MCTP1: variants seen among roughly 807,000 people sequenced by gnomAD.
MCTP1 encodes the protein multiple C2 and transmembrane domain containing 1.
In MCTP1, 69 loss-of-function variants were observed where a neutral mutation model predicts 120.6. That is an observed-to-expected ratio of 0.57 (90% CI 0.47 to 0.70). MCTP1 has a LOEUF of 0.70. Ranked by LOEUF, MCTP1 falls within the 30% of genes least tolerant of loss-of-function variation. The pLI is 0.00. For missense variants in MCTP1, 1,203 were observed against 1,248.8 expected (o/e 0.96, Z 0.55); for synonymous variants, 529 against 493.1 (o/e 1.07, Z -0.96).
rs1299950271 is a variant in MCTP1 at position 94,884,710 on chromosome 5, T to C, written c.1933+4169A>G. ...ACAGACAGCAAAACAAAATGTTTTCTAGGCAGCCTGTCAAATGGGGCTTAA... is the reference window on the plus strand; with the variant it reads ...ACAGACAGCAAAACAAAATGTTTTCCAGGCAGCCTGTCAAATGGGGCTTAA... On this transcript the variant is annotated intron_variant, in intron 12 of 22. Transcript: ENST00000515393. Among the ~76,000 whole-genome samples the C allele has an allele frequency of 2.6e-5, 4 of 152,156 alleles. No individual in the cohort carries two copies. The East Asian group carries it at 7.7e-4, about 29-fold the overall frequency.
chr5:95,138,621 A>T lies in MCTP1; in HGVS notation c.721-121137T>A, dbSNP rs1759643724. On this transcript the variant is annotated intron_variant, in intron 1 of 22. Coordinates refer to ENST00000515393, the MANE Select transcript of MCTP1 (RefSeq NM_024717.7). ...TGAAGAGTCCAGGAATAGGTCTGCTAACCAAAGGAATGACCCCCTCACAGA... is the reference window on the plus strand; with the variant it reads ...TGAAGAGTCCAGGAATAGGTCTGCTTACCAAAGGAATGACCCCCTCACAGA... Among the ~76,000 whole-genome samples the T allele has an allele frequency of 3.9e-5, 6 of 152,186 alleles. No individual in the cohort carries two copies. The South Asian group carries it at 1.2e-3, about 32-fold the overall frequency.
chr5:95,017,237 G>T, intron 2 of MCTP1, 130 bp downstream of exon 2: 1 of 548,544 alleles, frequency 1.8e-6, no homozygotes, highest in African/African-American at 1.9e-5. Flanking sequence ...GTCAAACTGT[G>T]TCTTTGAATT....
Position 94,705,274 on chromosome 5 carries a change from T to C in MCTP1, c.*2222A>G, listed in dbSNP as rs1754288713. On this transcript the variant is annotated 3_prime_UTR_variant, in exon 23 of 23. Transcript: ENST00000515393. ...ACATATTCTGTTTTCAGCCTGTGAA[T>C]GTAGTAGTTTCTAAAAGCAATGAAG... 1 of 151,488 alleles carries C rather than the reference T, an allele frequency of 6.6e-6. No individual in the cohort carries two copies. The highest frequency in any genetic ancestry group is 1.5e-5 in the Non-Finnish European group (1 of 67,596). The allele number at this position is 151,488 out of a possible 1,614,324, so 9.4% of individuals were successfully genotyped here.
intron 2 of MCTP1, among the ~76,000 whole-genome samples, chr5:94,997,741 TAA>T (rs1318834025): frequency 6.6e-6 from 1 of 152,196 alleles, no homozygotes; most frequent in Non-Finnish European, 1.5e-5. Context: ...ACAGTAGAGG[TAA>T]CTGAGCAGTT....
intron 1 of MCTP1, among the ~76,000 whole-genome samples, chr5:95,208,335 C>A (rs1306701152): frequency 1.3e-5 from 2 of 152,154 alleles, no homozygotes; most frequent in Non-Finnish European, 2.9e-5. Flanking sequence ...AGGCAATCCA[C>A]CCACCTCAGC....
At position 94,894,841 on chromosome 5, in the gene MCTP1, G is replaced by A. The variant is rs201524200; in HGVS notation, c.1653-6C>T. 59 of 1,499,256 alleles carry A rather than the reference G, an allele frequency of 3.9e-5. No homozygotes were observed. Among genetic ancestry groups the A allele is most frequent in the Admixed American group, 1.6e-4 (8 of 49,412 alleles). The allele number at this position is 1,499,256 out of a possible 1,614,324, so 92.9% of individuals were successfully genotyped here. On this transcript the variant is annotated splice_region_variant and splice_polypyrimidine_tract_variant and intron_variant, in intron 10 of 22. Transcript: ENST00000515393. ...CTGACAGGTCGACCTGGCACCTAGA[G>A]ACAAATGTTTTGAATCAGCAAGTGG...
At chr5:94,793,279 G>A (rs1241138875) in intron 18 of MCTP1, 1 of 152,182 alleles carries the variant, frequency 6.6e-6, no homozygotes, top group Non-Finnish European at 1.5e-5. Context: ...TTTGAGAGGG[G>A]TCACAAGGGA....
rs117550196 is a variant in MCTP1 at position 95,126,817 on chromosome 5, A to T, written c.721-109333T>A. On this transcript the variant is annotated intron_variant, in intron 1 of 22. Transcript: ENST00000515393. ...AATTAATGGCAAATCCTTTTAATAA[A>T]CTCAATGTGCCCAACTCATTTAATT... Among the ~76,000 whole-genome samples the T allele has an allele frequency of 2.6e-3, 391 of 152,300 alleles. 5 individuals carry two copies. The East Asian group carries it at 0.04, about 16-fold the overall frequency.
intron 1 of MCTP1, among the ~76,000 whole-genome samples, chr5:95,157,740 T>C (rs528612953): frequency 2.6e-5 from 4 of 152,324 alleles, no homozygotes; most frequent in South Asian, 4.1e-4. Context: ...GAAATTAATA[T>C]ATGATTACAT....
chr5:95,139,998 G>A (rs1759774204), intron 1 of MCTP1, among the ~76,000 whole-genome samples: 1 of 152,170 alleles, frequency 6.6e-6, no homozygotes, highest in Non-Finnish European at 1.5e-5. Flanking sequence ...GTCTCCCTGA[G>A]CTGCTCTTCC....
In MCTP1 at chr5:95,284,525, G is replaced by C. The variant is rs542138947; in HGVS notation, c.51C>G (p.Ser17=). ...TCCAGAGCCGGGCCTGGAAGGAGGAGGACGCCGCCGGCGGCTCTGGCTCGC... is the reference window on the plus strand; with the variant it reads ...TCCAGAGCCGGGCCTGGAAGGAGGACGACGCCGCCGGCGGCTCTGGCTCGC... ...AAGEPEPPAA[S]SSFQARLWKN... is the part of the protein sequence containing the mutation. The change falls in exon 1 of 23, where the codon TCC becomes TCG. Residue 17 remains serine (S), a synonymous_variant. Transcript: ENST00000515393. This position sits in a 1 kb window ranked among gnomAD's most constrained non-coding sequence, Gnocchi z 5.2. 3.4e-5 allele frequency: 51 copies of C among 1,496,068 alleles called. No individual in the cohort carries two copies. The South Asian group carries it at 5.9e-4, about 17-fold the overall frequency. 92.7% of individuals were successfully genotyped at this position (1,496,068 alleles called of 1,614,324 possible).
At chr5:94,924,975 C>T (rs1453156031) in intron 6 of MCTP1, among the ~76,000 whole-genome samples, 3 of 152,130 alleles carry the variant, frequency 2.0e-5, no homozygotes, top group African/African-American at 7.2e-5. Context: ...AAATATTAGC[C>T]ACATTTAGAT....
chr5:94,860,675 C>T (rs1030032336), intron 17 of MCTP1, among the ~76,000 whole-genome samples: 21 of 151,020 alleles, frequency 1.4e-4, no homozygotes, highest in African/African-American at 5.1e-4. Flanking sequence ...TTGTATTAAC[C>T]CTCATTTGGA....
intron 5 of MCTP1, among the ~76,000 whole-genome samples, chr5:94,935,647 G>T (rs1816011021): frequency 6.6e-6 from 1 of 151,962 alleles, no homozygotes; most frequent in African/African-American, 2.4e-5. Flanking sequence ...TAAACATGTG[G>T]TTTTTGAACT....
intron 17 of MCTP1, among the ~76,000 whole-genome samples, chr5:94,857,902 G>C (rs936144905): frequency 5.3e-5 from 8 of 151,588 alleles, no homozygotes; most frequent in Admixed American, 2.0e-4. Flanking sequence ...GGAATATGCT[G>C]TTCCATTATG....
At chr5:95,242,798 A>G (rs1756314381) in intron 1 of MCTP1, among the ~76,000 whole-genome samples, 1 of 152,216 alleles carries the variant, frequency 6.6e-6, no homozygotes, top group Non-Finnish European at 1.5e-5. Context: ...AGAGCCATCA[A>G]AATGTTTGTT....
chr5:94,964,501 T>C (rs1825126950), intron 2 of MCTP1, among the ~76,000 whole-genome samples: 2 of 152,208 alleles, frequency 1.3e-5, no homozygotes, highest in African/African-American at 4.8e-5. Context: ...TTCAGATCTA[T>C]TAATATTTGC....
chr5:95,129,898 C>T (rs192762624), intron 1 of MCTP1, among the ~76,000 whole-genome samples: 15 of 152,134 alleles, frequency 9.9e-5, no homozygotes, highest in African/African-American at 2.9e-4. Context: ...TGACCTCAGG[C>T]GATCCACCTG....
chr5:94,953,860 C>T (rs1479574158), intron 2 of MCTP1, among the ~76,000 whole-genome samples: 4 of 87,956 alleles, frequency 4.5e-5, no homozygotes, highest in Non-Finnish European at 9.8e-5. Flanking sequence ...TATATATATG[C>T]ATATATATAC....
Sources: allele counts gnomAD v4.1 joint callset (sites outside exome capture counted in the v4.1 genomes callset), GRCh38; gene constraint gnomAD v4.1.1; non-coding constraint Gnocchi (gnomAD v3.1); transcripts MANE v1.5; gene names NCBI Gene and HGNC (gene_info 2026-07-23, HGNC 2026-07-21).